The following GRIN2A variants were observed in gnomAD, a reference collection of about 807,000 sequenced individuals.
GRIN2A encodes glutamate receptor ionotropic, NMDA 2A.
In GRIN2A, 22 loss-of-function variants were observed where a neutral mutation model predicts 113.4. That is an observed-to-expected ratio of 0.19 (90% CI 0.14 to 0.28). GRIN2A has a LOEUF of 0.28. Ranked by LOEUF, GRIN2A falls within the 10% of genes least tolerant of loss-of-function variation. The pLI is 1.00. For missense variants in GRIN2A, 1,502 were observed against 1,887.0 expected, an observed-to-expected ratio of 0.80 and a Z score of 3.78; for synonymous variants, 827 against 738.4, an observed-to-expected ratio of 1.12 and a Z score of -1.94.
At chr16:9,784,468 A>G (rs567127401) in intron 11 of GRIN2A, among the ~76,000 whole-genome samples, 6 of 149,904 alleles carry the variant, frequency 4.0e-5, no homozygotes, top group Non-Finnish European at 7.4e-5. Flanking sequence ...CAAACAAAAA[A>G]CCTAAAACCA....
At chr16:9,813,991 C>T (rs1358342427) in intron 10 of GRIN2A, among the ~76,000 whole-genome samples, 5 of 152,144 alleles carry the variant, frequency 3.3e-5, no homozygotes, top group Non-Finnish European at 7.4e-5. Flanking sequence ...GCTCAAATGG[C>T]ATCTTTGAAA....
At chr16:10,132,791 A>G (rs1392435729) in intron 2 of GRIN2A, among the ~76,000 whole-genome samples, 9 of 152,238 alleles carry the variant, frequency 5.9e-5, no homozygotes, top group Admixed American at 5.9e-4. Context: ...ACAGATTATA[A>G]GTTTCCCATT....
At chr16:10,145,169 G>T (rs532897684) in intron 2 of GRIN2A, among the ~76,000 whole-genome samples, 2 of 152,070 alleles carry the variant, frequency 1.3e-5, no homozygotes, top group African/African-American at 2.4e-5. Flanking sequence ...GGTTGCCAAG[G>T]GTTGGGGGCA....
chr16:9,866,456 G>A (rs1482918152), intron 4 of GRIN2A, among the ~76,000 whole-genome samples: 1 of 152,082 alleles, frequency 6.6e-6, no homozygotes, highest in African/African-American at 2.4e-5. Context: ...AAGGAGAAGA[G>A]AGGGAAAGAG....
intron 2 of GRIN2A, among the ~76,000 whole-genome samples, chr16:9,939,698 G>C (rs1177594952): frequency 6.6e-6 from 1 of 152,158 alleles, no homozygotes; most frequent in East Asian, 1.9e-4. Context: ...CTGTACCTCA[G>C]TGCCATGACT....
chr16:9,795,377 A>G (rs1407566111), intron 11 of GRIN2A, among the ~76,000 whole-genome samples: 1 of 152,312 alleles, frequency 6.6e-6, no homozygotes, highest in East Asian at 1.9e-4. Context: ...AAGTTACCCT[A>G]TATGGTCTAA....
intron 2 of GRIN2A, among the ~76,000 whole-genome samples, chr16:10,067,336 C>G (rs1055474187): frequency 6.6e-6 from 1 of 152,106 alleles, no homozygotes; most frequent in African/African-American, 2.4e-5. Flanking sequence ...AACGGTGGAG[C>G]CACAAAAGTC....
At chr16:10,122,439 A>G (rs552960019) in intron 2 of GRIN2A, among the ~76,000 whole-genome samples, 330 of 152,276 alleles carry the variant, frequency 2.2e-3, no homozygotes, top group African/African-American at 7.6e-3. Context: ...AGGTTCGGCT[A>G]TTCAGAATGA....
intron 2 of GRIN2A, among the ~76,000 whole-genome samples, chr16:10,133,517 G>A (rs556101729): frequency 5.3e-5 from 8 of 152,304 alleles, no homozygotes; most frequent in African/African-American, 1.9e-4. Context: ...TGAGGCACGA[G>A]AAGCGCTTGA....
intron 2 of GRIN2A, among the ~76,000 whole-genome samples, chr16:9,972,236 G>A (rs2045686813): frequency 6.6e-6 from 1 of 152,138 alleles, no homozygotes; most frequent in Non-Finnish European, 1.5e-5. Flanking sequence ...GGAAATGTAA[G>A]TATAACCAGG....
At position 9,873,561 on chromosome 16, in the gene GRIN2A, C is replaced by CA. The variant is rs1360301891; in HGVS notation, c.1122+17424dup. Among the ~76,000 whole-genome samples, 4 of 142,248 alleles carry CA rather than the reference C, an allele frequency of 2.8e-5. No individual in the cohort carries two copies. The South Asian group carries it at 6.5e-4, about 23-fold the overall frequency. The allele number at this position is 142,248 out of a possible 152,430, so 93.3% of individuals were successfully genotyped here. On this transcript the variant is annotated intron_variant, in intron 4 of 12. Coordinates refer to ENST00000330684, the MANE Select transcript of GRIN2A (RefSeq NM_001134407.3). ...CTCTAAAAAACAACAACAACAACAA[C>CA]AACAAACAAACAAACAGAAAAGAAA... is the stretch of plus-strand genomic sequence containing the variant.
chr16:9,871,757 G>T lies in GRIN2A; in HGVS notation c.1122+19229C>A, dbSNP rs1354960093. Among the ~76,000 whole-genome samples the T allele has an allele frequency of 2.0e-5, 3 of 152,158 alleles. 1 individual carries two copies. Among genetic ancestry groups the T allele is most frequent in the African/African-American group, 7.2e-5 (3 of 41,442 alleles). ...AGTGGTTGGCTCAGGACCTGTGATG[G>T]AATCACAGTTTAAAAACTATTAGGC... is the stretch of plus-strand genomic sequence containing the variant. On this transcript the variant is annotated intron_variant, in intron 4 of 12. Coordinates refer to ENST00000330684, the MANE Select transcript of GRIN2A (RefSeq NM_001134407.3).
Position 9,829,642 on chromosome 16 carries a change from C to G in GRIN2A, c.1788G>C (p.Gly596=). 1 of 1,610,762 alleles carries G rather than the reference C, an allele frequency of 6.2e-7. No homozygotes were observed. Among genetic ancestry groups the G allele is most frequent in the Non-Finnish European group, 8.5e-7 (1 of 1,177,078 alleles). The change falls in exon 9 of 13, where the codon GGG becomes GGC. Residue 596 remains glycine (G), a synonymous_variant. Transcript: ENST00000330684. ...RNLAKGKAPH[G]PSFTIGKAIW... is the part of the protein sequence containing the mutation. ...TAGCTTTTCCAATTGTAAAAGAAGG[C>G]CCATGGGGTGCTGCAGAAGATGAAA...
At chr16:9,907,600 T>A (rs1427597908) in intron 3 of GRIN2A, among the ~76,000 whole-genome samples, 1 of 152,160 alleles carries the variant, frequency 6.6e-6, no homozygotes, top group Non-Finnish European at 1.5e-5. Flanking sequence ...ACAGTCAATT[T>A]TACTAGATAT....
chr16:9,978,970 C>G (rs1229932525), intron 2 of GRIN2A, among the ~76,000 whole-genome samples: 2 of 152,130 alleles, frequency 1.3e-5, no homozygotes, highest in Admixed American at 6.5e-5. Flanking sequence ...TTTCCGACTC[C>G]CACAACGAAA....
intron 2 of GRIN2A, chr16:10,031,280 C>T (rs936711917): frequency 2.6e-5 from 4 of 152,250 alleles, no homozygotes; most frequent in African/African-American, 9.7e-5. Context: ...GGGTCTTTGC[C>T]ATTGCTGTGC....
At chr16:9,857,769 AT>A (rs2042994316) in intron 4 of GRIN2A, among the ~76,000 whole-genome samples, 1 of 152,264 alleles carries the variant, frequency 6.6e-6, no homozygotes, top group South Asian at 2.1e-4. Context: ...CTATTTTGTC[AT>A]TGTTTAAATC....
chr16:9,815,249 C>G (rs2042163982), intron 10 of GRIN2A, among the ~76,000 whole-genome samples: 2 of 151,872 alleles, frequency 1.3e-5, no homozygotes, highest in Non-Finnish European at 2.9e-5. Flanking sequence ...AAAGACAATA[C>G]TCCCTAAATT....
chr16:10,117,833 T>C (rs1389933428), intron 2 of GRIN2A, among the ~76,000 whole-genome samples: 1 of 152,204 alleles, frequency 6.6e-6, no homozygotes, highest in Non-Finnish European at 1.5e-5. Context: ...AGAAATATAG[T>C]GGACATAGAA....
Sources: allele counts gnomAD v4.1 joint callset (sites outside exome capture counted in the v4.1 genomes callset), GRCh38; gene constraint gnomAD v4.1.1; transcripts MANE v1.5; gene names NCBI Gene and HGNC (gene_info 2026-07-23, HGNC 2026-07-21).